GPC5: variants seen among roughly 807,000 people sequenced by gnomAD.
The protein encoded by GPC5 is glypican-5.
A neutral mutation model predicts 53.9 loss-of-function variants in GPC5; 47 were observed. The ratio of observed to expected loss-of-function variants is 0.87; its 90% confidence interval spans 0.69 to 1.11. The LOEUF (loss-of-function observed/expected upper bound fraction) is 1.11. Ranked by LOEUF, GPC5 falls within the 50% of genes most tolerant of loss-of-function variation. GPC5 has a pLI of 0.00. For missense variants in GPC5, 748 were observed against 713.1 expected (o/e 1.05, Z -0.56); for synonymous variants, 286 against 263.3 (o/e 1.09, Z -0.84).
intron 6 of GPC5, among the ~76,000 whole-genome samples, chr13:92,025,688 A>G (rs1035081692): frequency 6.6e-6 from 1 of 152,144 alleles, no homozygotes; most frequent in African/African-American, 2.4e-5. Flanking sequence ...AGACACTTCC[A>G]TCGTCTTTGG....
intron 2 of GPC5, among the ~76,000 whole-genome samples, chr13:91,455,167 A>C (rs571830101): frequency 8.9e-6 from 1 of 111,788 alleles, no homozygotes; most frequent in East Asian, 2.7e-4. Flanking sequence ...AAAATGTTGC[A>C]GTGAACATTC....
intron 3 of GPC5, among the ~76,000 whole-genome samples, chr13:91,727,307 T>C (rs997961685): frequency 6.6e-6 from 1 of 152,204 alleles, no homozygotes; most frequent in Non-Finnish European, 1.5e-5. Context: ...CCCGGGGTAG[T>C]CTTTGCTGAT....
At chr13:92,794,642 C>T (rs1566421808) in intron 7 of GPC5, among the ~76,000 whole-genome samples, 1 of 152,150 alleles carries the variant, frequency 6.6e-6, no homozygotes, top group Non-Finnish European at 1.5e-5. Context: ...ACCCCATCGT[C>T]TCAGCCAAAA....
intron 7 of GPC5, among the ~76,000 whole-genome samples, chr13:92,319,904 A>G (rs2043204878): frequency 6.6e-6 from 1 of 152,174 alleles, no homozygotes; most frequent in Admixed American, 6.5e-5. Context: ...ATGAAACAAT[A>G]TATACATTAG....
intron 7 of GPC5, among the ~76,000 whole-genome samples, chr13:92,826,717 G>A (rs1315621147): frequency 1.3e-5 from 2 of 152,040 alleles, no homozygotes; most frequent in East Asian, 3.9e-4. Flanking sequence ...TAACATCAAT[G>A]CCTACACTTT....
chr13:92,036,279 T>C (rs1056301283), intron 6 of GPC5, among the ~76,000 whole-genome samples: 2 of 152,216 alleles, frequency 1.3e-5, no homozygotes, highest in Non-Finnish European at 2.9e-5. Context: ...CCTTCTATAA[T>C]TGGATGCAAA....
intron 7 of GPC5, among the ~76,000 whole-genome samples, chr13:92,594,226 T>G (rs575297079): frequency 1.3e-5 from 2 of 152,182 alleles, no homozygotes; most frequent in South Asian, 4.2e-4. Flanking sequence ...AAAACAGGGT[T>G]GATTGAAGGT....
chr13:92,471,348 G>A (rs1328621906), intron 7 of GPC5, among the ~76,000 whole-genome samples: 1 of 152,042 alleles, frequency 6.6e-6, no homozygotes, highest in African/African-American at 2.4e-5. Context: ...ATGAAATTTA[G>A]GTGGAGCATG....
At chr13:91,949,587 T>A (rs1281257897) in intron 6 of GPC5, among the ~76,000 whole-genome samples, 1 of 152,124 alleles carries the variant, frequency 6.6e-6, no homozygotes, top group Non-Finnish European at 1.5e-5. Context: ...TGGATAAAAT[T>A]AATAACACTC....
chr13:92,223,995 G>A (rs1489703704), intron 7 of GPC5, among the ~76,000 whole-genome samples: 1 of 151,942 alleles, frequency 6.6e-6, no homozygotes, highest in Admixed American at 6.6e-5. Context: ...GAAAAAATAA[G>A]CATCTAGTAT....
chr13:92,636,183 T>C (rs892159308), intron 7 of GPC5, among the ~76,000 whole-genome samples: 1 of 152,198 alleles, frequency 6.6e-6, no homozygotes, highest in Non-Finnish European at 1.5e-5. Flanking sequence ...TATTTTTGTG[T>C]TTTAATGAGT....
chr13:91,745,385 G>C (rs1236804686), intron 4 of GPC5, among the ~76,000 whole-genome samples: 1 of 152,056 alleles, frequency 6.6e-6, no homozygotes, highest in Non-Finnish European at 1.5e-5. Flanking sequence ...AATTACAAGA[G>C]AGTGCTAAAC....
intron 7 of GPC5, among the ~76,000 whole-genome samples, chr13:92,552,720 A>G (rs185830614): frequency 2.2e-4 from 34 of 151,988 alleles, no homozygotes; most frequent in Non-Finnish European, 8.8e-5. Flanking sequence ...CACTGTGTCT[A>G]CTTGGAGTCT....
At chr13:92,752,473 A>T (rs1324884646) in intron 7 of GPC5, among the ~76,000 whole-genome samples, 1 of 152,054 alleles carries the variant, frequency 6.6e-6, no homozygotes, top group East Asian at 1.9e-4. Context: ...TATTTTCTGG[A>T]TGGGGGGAGG....
intron 7 of GPC5, among the ~76,000 whole-genome samples, chr13:92,378,521 G>C (rs2043713039): frequency 6.6e-6 from 1 of 152,152 alleles, no homozygotes; most frequent in Non-Finnish European, 1.5e-5. Context: ...ATTTTGTCTT[G>C]AGATTATGAT....
chr13:91,812,422 A>G (rs1449756345), intron 5 of GPC5, among the ~76,000 whole-genome samples: 4 of 152,310 alleles, frequency 2.6e-5, no homozygotes, highest in Non-Finnish European at 4.4e-5. Context: ...ATATTTATGA[A>G]GTACTTTAGC....
intron 7 of GPC5, among the ~76,000 whole-genome samples, chr13:92,723,358 G>T (rs1183106507): frequency 5.4e-5 from 6 of 110,724 alleles, no homozygotes; most frequent in African/African-American, 1.4e-4. Flanking sequence ...AAAAAACCCA[G>T]AGTCAGAGCT....
intron 7 of GPC5, among the ~76,000 whole-genome samples, chr13:92,453,680 CT>C (rs1341217689): frequency 6.6e-6 from 1 of 152,032 alleles, no homozygotes; most frequent in Non-Finnish European, 1.5e-5. Flanking sequence ...TCCCTAATCT[CT>C]CTTACGAAAA....
At chr13:92,385,465 T>C (rs1488961883) in intron 7 of GPC5, among the ~76,000 whole-genome samples, 5 of 133,332 alleles carry the variant, frequency 3.8e-5, no homozygotes, top group African/African-American at 5.6e-5. Context: ...TATATACACA[T>C]ATATACATAT....
Sources: gnomAD v4.1 joint callset for allele counts (sites outside exome capture counted in the v4.1 genomes callset) on GRCh38, gnomAD v4.1.1 for gene constraint, MANE v1.5 for transcripts, NCBI Gene and HGNC (gene_info 2026-07-23, HGNC 2026-07-21) for gene names.